The following COL9A1 variants were observed in gnomAD, a reference collection of about 807,000 sequenced individuals.
COL9A1 encodes collagen type IX alpha 1 chain, also known as collagen alpha-1(IX) chain.
Under a neutral mutation model 142.6 loss-of-function variants are expected in COL9A1, and 104 were observed. The observed-to-expected ratio is 0.73, with a 90% CI of 0.62 to 0.86. The LOEUF is 0.86. Ranked by LOEUF, COL9A1 falls within the 40% of genes least tolerant of loss-of-function variation. The pLI, the probability that COL9A1 is intolerant of heterozygous loss-of-function variation, is 0.00. For synonymous variants in COL9A1, 466 were observed against 396.0 expected, an observed-to-expected ratio of 1.18 and a Z score of -2.10; for missense variants, 1,210 against 1,176.6, an observed-to-expected ratio of 1.03 and a Z score of -0.42.
intron 21 of COL9A1, among the ~76,000 whole-genome samples, chr6:70,256,179 C>A (rs1275565918): frequency 1.3e-5 from 2 of 152,218 alleles, no homozygotes; most frequent in Non-Finnish European, 2.9e-5. Context: ...TACATCTATC[C>A]TGTGCTCTAG....
chr6:70,229,644 C>G (rs1347781566), intron 36 of COL9A1, among the ~76,000 whole-genome samples: 3 of 152,078 alleles, frequency 2.0e-5, no homozygotes, highest in Non-Finnish European at 4.4e-5. Flanking sequence ...CAGCCTTACT[C>G]AAAGGGACTT....
In COL9A1 at chr6:70,240,699, C is replaced by T; in HGVS notation, c.2069G>A (p.Arg690Lys). Residue 690 changes from arginine (R) to lysine (K), a missense_variant, in exon 32 of 38, where the codon AGG becomes AAG. Transcript: ENST00000357250. ...ASGEEGEAGE[R>K]GELGDIGLPG... ...AAAAAAAAATCTTACAAGTTCCCCC[C>T]TTTCTCCTGCTTCACCTTCTTCACC... 1.2e-6 allele frequency: 2 copies of T among 1,612,964 alleles called. No homozygotes were observed. The highest frequency in any genetic ancestry group is 1.3e-5 in the African/African-American group (1 of 74,906).
intron 36 of COL9A1, among the ~76,000 whole-genome samples, chr6:70,230,029 T>C (rs1414602825): frequency 6.6e-6 from 1 of 152,168 alleles, no homozygotes; most frequent in Non-Finnish European, 1.5e-5. Context: ...AAAGTGACCA[T>C]ATGGTAGAGC....
At position 70,272,068 on chromosome 6, in the gene COL9A1, G is replaced by A; in HGVS notation, c.1086C>T (p.Pro362=). 1.2e-6 allele frequency: 2 copies of A among 1,612,066 alleles called. No homozygotes were observed. Among genetic ancestry groups the A allele is most frequent in the African/African-American group, 1.3e-5 (1 of 74,876 alleles). The change falls in exon 13 of 38, where the codon CCC becomes CCT. Residue 362 remains proline, a synonymous_variant. Coordinates refer to ENST00000357250, the MANE Select transcript of COL9A1 (RefSeq NM_001851.6). The stretch of plus-strand genomic sequence containing the variant: ...TAAATGATGAAGTGATACTTACAGG[G>A]GGTCCAGGAATACCACGGCCCTAAA... ...RGFPGRGIPG[P]PGPPGTAGLP...
intron 33 of COL9A1, among the ~76,000 whole-genome samples, chr6:70,238,967 C>A (rs1770075553): frequency 6.6e-6 from 1 of 152,088 alleles, no homozygotes; most frequent in African/African-American, 2.4e-5. Flanking sequence ...GGTGAAACCC[C>A]ATCTCTACTA....
intron 33 of COL9A1, 120 bp from the exon 34 acceptor site, chr6:70,235,060 T>C: frequency 1.6e-6 from 2 of 1,259,262 alleles, no homozygotes; most frequent in Non-Finnish European, 1.1e-6. Flanking sequence ...CTAACAGGTG[T>C]TCTTTCAGAG....
intron 16 of COL9A1, among the ~76,000 whole-genome samples, chr6:70,269,403 A>T (rs927682606): frequency 6.6e-6 from 1 of 152,250 alleles, no homozygotes; most frequent in Non-Finnish European, 1.5e-5. Context: ...TGTCTTAGTC[A>T]TAAAGTAAAA....
chr6:70,267,853 C>T (rs1453971232), intron 17 of COL9A1, among the ~76,000 whole-genome samples: 1 of 152,168 alleles, frequency 6.6e-6, no homozygotes, highest in Admixed American at 6.5e-5. Context: ...CAGGCTGAAT[C>T]TTCTGCAGTT....
In COL9A1 at chr6:70,274,810, C is replaced by G. The variant is rs990973823; in HGVS notation, c.976-38G>C. ...GACAATGATGTTAGAACTATCATAA[C>G]ATCCTTAGGCAAACCACTAAGTAGA... On this transcript the variant is annotated intron_variant, in intron 10 of 37. Coordinates refer to ENST00000357250, the MANE Select transcript of COL9A1 (RefSeq NM_001851.6). 3 of 1,531,314 alleles carry G rather than the reference C, an allele frequency of 2.0e-6. 1 individual carries two copies. The South Asian group carries it at 3.4e-5, about 17-fold the overall frequency. 94.9% of individuals were successfully genotyped at this position (1,531,314 alleles called of 1,614,324 possible).
At chr6:70,296,132 G>C (rs1012758200) in intron 4 of COL9A1, among the ~76,000 whole-genome samples, 3 of 151,866 alleles carry the variant, frequency 2.0e-5, no homozygotes, top group Admixed American at 2.0e-4. Flanking sequence ...ATTTTTACAA[G>C]CCCTCAATAA....
At position 70,294,433 on chromosome 6, in the gene COL9A1, T is replaced by G. The variant is rs1267043595; in HGVS notation, c.430A>C (p.Ile144Leu). ...QDSSGKEQVGIKINGQTQSVV... is the reference protein window; with the variant it reads ...QDSSGKEQVGLKINGQTQSVV... ...GATTGTGTTTGGCCATTAATCTTTA[T>G]GCCAACTTGCTCCTTCCCAGAGGAA... Residue 144 changes from isoleucine (I) to leucine (L), a missense_variant, in exon 5 of 38, where the codon ATA becomes CTA. Transcript: ENST00000357250. 6.2e-7 allele frequency: 1 copy of G among 1,614,038 alleles called. No homozygotes were observed. Among genetic ancestry groups the G allele is most frequent in the Non-Finnish European group, 8.5e-7 (1 of 1,179,990 alleles).
intron 10 of COL9A1, among the ~76,000 whole-genome samples, chr6:70,276,992 C>G (rs1394576645): frequency 2.0e-5 from 3 of 152,178 alleles, no homozygotes; most frequent in African/African-American, 7.2e-5. Flanking sequence ...AATATTTGCA[C>G]CTACACTGAT....
intron 33 of COL9A1, among the ~76,000 whole-genome samples, chr6:70,238,993 G>A (rs576782899): frequency 3.9e-4 from 59 of 152,248 alleles, no homozygotes; most frequent in Middle Eastern, 3.4e-3. Flanking sequence ...ACAAAAATTA[G>A]CCGGGCATGG....
At chr6:70,264,788 G>A (rs577926462) in intron 18 of COL9A1, among the ~76,000 whole-genome samples, 2 of 152,006 alleles carry the variant, frequency 1.3e-5, no homozygotes, top group Non-Finnish European at 2.9e-5. Flanking sequence ...CCTGCTGTAT[G>A]ATGTTACAAA....
chr6:70,263,189 G>A, intron 19 of COL9A1, 55 bp downstream of exon 19: 2 of 1,342,992 alleles, frequency 1.5e-6, no homozygotes, highest in East Asian at 2.5e-5. Flanking sequence ...CAACAGTCAT[G>A]AAAAAAAAGA....
chr6:70,286,924 A>G (rs1385722019), intron 5 of COL9A1, among the ~76,000 whole-genome samples: 1 of 152,246 alleles, frequency 6.6e-6, no homozygotes, highest in Non-Finnish European at 1.5e-5. Flanking sequence ...GTATTTTCAT[A>G]TAACACATTC....
At chr6:70,271,231 A>G (rs3806091) in intron 14 of COL9A1, among the ~76,000 whole-genome samples, 2,867 of 152,286 alleles carry the variant, frequency 0.019, 118 homozygotes, top group East Asian at 0.16. Context: ...ATTTTTTATG[A>G]AGCCCAGCTC....
At chr6:70,264,766 C>T (rs1771908179) in intron 18 of COL9A1, among the ~76,000 whole-genome samples, 1 of 152,008 alleles carries the variant, frequency 6.6e-6, no homozygotes, top group South Asian at 2.1e-4. Flanking sequence ...ATGATTTTTG[C>T]ATAAGTATTG....
intron 14 of COL9A1, 86 bp from the exon 15 acceptor site, chr6:70,270,453 T>C: frequency 7.7e-7 from 1 of 1,300,334 alleles, no homozygotes; most frequent in Non-Finnish European, 1.1e-6. Context: ...GAGAATGGTA[T>C]TACTGGAAAC....
Sources: gnomAD v4.1 joint callset for allele counts (sites outside exome capture counted in the v4.1 genomes callset) on GRCh38, gnomAD v4.1.1 for gene constraint, MANE v1.5 for transcripts, NCBI Gene and HGNC (gene_info 2026-07-23, HGNC 2026-07-21) for gene names.